PDE12: variants seen among roughly 807,000 people sequenced by gnomAD.
The protein encoded by PDE12 is phosphodiesterase 12.
Under a neutral mutation model 45.4 loss-of-function variants are expected in PDE12, and 26 were observed. That is an observed-to-expected ratio of 0.57 (90% CI 0.42 to 0.79). The LOEUF is 0.79. PDE12 is among the 30% of genes least tolerant of loss of function. PDE12 has a pLI of 0.00. For missense variants in PDE12, 668 were observed against 790.0 expected (o/e 0.85, Z 1.85); for synonymous variants, 283 against 323.9 (o/e 0.87, Z 1.36).
the PDE12 span, chr3:57,596,932 C>G: frequency 1.2e-6 from 1 of 822,644 alleles, no homozygotes; most frequent in Non-Finnish European, 1.9e-6. Flanking sequence ...CATTGTTCCC[C>G]CTTAAGAATT....
At chr3:57,615,161 C>A in the PDE12 span, among the ~76,000 whole-genome samples, 7 of 152,108 alleles carry the variant, frequency 4.6e-5, no homozygotes, top group East Asian at 1.4e-3. Context: ...AGCTCGCCCC[C>A]CTCGGCCTCC....
Position 57,557,190 on chromosome 3 carries a change from G to A in PDE12, c.811G>A (p.Glu271Lys). 1 of 1,614,096 alleles carries A rather than the reference G, an allele frequency of 6.2e-7. No individual in the cohort carries two copies. The highest frequency in any genetic ancestry group is 1.1e-5 in the South Asian group (1 of 91,082). Residue 271 changes from glutamate to lysine, a missense_variant, in exon 1 of 3, where the codon GAG (glutamate) becomes AAG (lysine). Physicochemically the swap from Glu to Lys is moderately conservative, Grantham distance 56 (BLOSUM62 1). Around this residue, in one of 3 missense-constraint regions of PDE12, gnomAD observed 580 missense variants for 662.9 expected, o/e 0.87. Coordinates refer to ENST00000311180, the MANE Select transcript of PDE12 (RefSeq NM_177966.7). ...GGAGTTGGAAAGTGTGTGTGTGGTA[G>A]AGGCTGGGCCTGGCACCTGCACTTT... ...SRELESVCVV[E>K]AGPGTCTFDH...
the PDE12 span, among the ~76,000 whole-genome samples, chr3:57,639,818 C>G: frequency 6.6e-6 from 1 of 152,028 alleles, no homozygotes; most frequent in Non-Finnish European, 1.5e-5. Flanking sequence ...TCAGTAAGAC[C>G]GAGTCCAGAA....
Position 57,566,761 on chromosome 3 carries a change from T to C in PDE12, c.*6757T>C, listed in dbSNP as rs2069789548. ...GGCCATCTATATATCTCTGGAGAAA[T>C]GTCTTTTGAAATACTTTGCCCATTT... is the stretch of plus-strand genomic sequence containing the variant. On this transcript the variant is annotated 3_prime_UTR_variant, in exon 3 of 3. Coordinates refer to ENST00000311180, the MANE Select transcript of PDE12 (RefSeq NM_177966.7). The C allele has an allele frequency of 6.6e-6, 1 of 152,200 alleles. No homozygotes were observed. The highest frequency in any genetic ancestry group is 1.5e-5 in the Non-Finnish European group (1 of 68,028). The allele number at this position is 152,200 out of a possible 1,614,324, so 9.4% of individuals were successfully genotyped here.
chr3:57,571,022 CAG>C (rs905979899), downstream of PDE12, among the ~76,000 whole-genome samples: 2 of 150,430 alleles, frequency 1.3e-5, no homozygotes, highest in African/African-American at 2.5e-5. Context: ...TAAGTAGAGA[CAG>C]GGGAAACAGG....
chr3:57,653,710 C>T, the PDE12 span, among the ~76,000 whole-genome samples: 2 of 146,602 alleles, frequency 1.4e-5, no homozygotes, highest in African/African-American at 5.1e-5. Flanking sequence ...CGCACCACTG[C>T]ACTCCGGCCT....
At chr3:57,630,620 G>C in the PDE12 span, 40 of 1,524,808 alleles carry the variant, frequency 2.6e-5, no homozygotes, top group South Asian at 4.4e-4. Flanking sequence ...AACTTTAGTA[G>C]AATTTTTTAA....
In PDE12 at chr3:57,561,509, C is replaced by G. The variant is rs1401026885; in HGVS notation, c.*1505C>G. 4 of 984,670 alleles carry G rather than the reference C, an allele frequency of 4.1e-6. No homozygotes were observed. The highest frequency in any genetic ancestry group is 4.8e-6 in the Non-Finnish European group (4 of 829,316). 61.0% of individuals were successfully genotyped at this position (984,670 alleles called of 1,614,324 possible). A position where few individuals can be genotyped will look rare whatever the true frequency, so the allele number is the denominator to read the frequency against. ...TACAAATGGTTATACTGATTAGTGTCTAGCCTAGAGTGGTAACCATGCTTT... is the reference window on the plus strand; with the variant it reads ...TACAAATGGTTATACTGATTAGTGTGTAGCCTAGAGTGGTAACCATGCTTT... On this transcript the variant is annotated 3_prime_UTR_variant, in exon 3 of 3. Coordinates refer to ENST00000311180, the MANE Select transcript of PDE12 (RefSeq NM_177966.7).
the PDE12 span, chr3:57,596,904 A>T: frequency 1.6e-6 from 1 of 639,128 alleles, no homozygotes; most frequent in Non-Finnish European, 2.7e-6. Flanking sequence ...GGCGGGGGGG[A>T]TCGCTCACCC....
At chr3:57,634,853 T>G in the PDE12 span, 2 of 1,109,938 alleles carry the variant, frequency 1.8e-6, no homozygotes, top group East Asian at 5.4e-5. Flanking sequence ...TTATAATCTG[T>G]TTATTACTTA....
At chr3:57,636,025 T>C in the PDE12 span, among the ~76,000 whole-genome samples, 1 of 152,228 alleles carries the variant, frequency 6.6e-6, no homozygotes, top group Non-Finnish European at 1.5e-5. Context: ...TAGCTTACTT[T>C]ATTATAAGGA....
At chr3:57,593,721 A>G in the PDE12 span, among the ~76,000 whole-genome samples, 1 of 152,206 alleles carries the variant, frequency 6.6e-6, no homozygotes, top group Non-Finnish European at 1.5e-5. Flanking sequence ...TCATGGATCA[A>G]GATACAGAAA....
chr3:57,600,377 TTCTC>T, the PDE12 span, among the ~76,000 whole-genome samples: 1 of 151,268 alleles, frequency 6.6e-6, no homozygotes, highest in Non-Finnish European at 1.5e-5. Context: ...TTTTCTTTCT[TTCTC>T]TTTCTTTTCT....
At chr3:57,613,317 A>T in the PDE12 span, among the ~76,000 whole-genome samples, 1 of 128,072 alleles carries the variant, frequency 7.8e-6, no homozygotes, top group Admixed American at 8.1e-5. Flanking sequence ...TTTTTTTGAG[A>T]CAATCTTACT....
At chr3:57,582,705 G>T in the PDE12 span, among the ~76,000 whole-genome samples, 1 of 147,312 alleles carries the variant, frequency 6.8e-6, no homozygotes, top group Non-Finnish European at 1.5e-5. Flanking sequence ...AGATGACATT[G>T]CAAGTCTTAA....
the PDE12 span, among the ~76,000 whole-genome samples, chr3:57,613,530 G>T: frequency 1.3e-5 from 2 of 151,152 alleles, no homozygotes; most frequent in Admixed American, 1.3e-4. Context: ...CTGACCTTGT[G>T]ATCTGTCCAC....
At chr3:57,569,197 A>G (rs2069812368), downstream of PDE12, among the ~76,000 whole-genome samples, 1 of 152,202 alleles carries the variant, frequency 6.6e-6, no homozygotes, top group Non-Finnish European at 1.5e-5. Flanking sequence ...ATGTTTGCAT[A>G]AAACAGGGAA....
chr3:57,585,893 C>T, the PDE12 span, among the ~76,000 whole-genome samples: 1 of 152,022 alleles, frequency 6.6e-6, no homozygotes, highest in Non-Finnish European at 1.5e-5. Flanking sequence ...AACTCCTGAC[C>T]TCGGGTGATC....
rs1398047069 is a variant in PDE12 at position 57,563,795 on chromosome 3, G to C, written c.*3791G>C. The C allele has an allele frequency of 1.3e-5, 2 of 152,308 alleles. No homozygotes were observed. The highest frequency in any genetic ancestry group is 2.9e-5 in the Non-Finnish European group (2 of 68,080). 9.4% of individuals were successfully genotyped at this position (152,308 alleles called of 1,614,324 possible). A position where few individuals can be genotyped will look rare whatever the true frequency, so the allele number is the denominator to read the frequency against. The stretch of plus-strand genomic sequence containing the variant: ...GCTGCTCAGGAGGCTGAGGCCAGAG[G>C]ATCACTTGAGCCCATGAGGTCAAGC... On this transcript the variant is annotated 3_prime_UTR_variant, in exon 3 of 3. Transcript: ENST00000311180.
Sources: allele counts gnomAD v4.1 joint callset (sites outside exome capture counted in the v4.1 genomes callset), GRCh38; gene constraint gnomAD v4.1.1; regional missense constraint gnomAD v4.1.1; transcripts MANE v1.5; gene names NCBI Gene and HGNC (gene_info 2026-07-23, HGNC 2026-07-21).